The following GSAP variants were observed in gnomAD, a reference collection of about 807,000 sequenced individuals.
The protein encoded by GSAP is gamma-secretase-activating protein.
Under a neutral mutation model 131.7 loss-of-function variants are expected in GSAP, and 118 were observed. The observed-to-expected ratio is 0.90, with a 90% confidence interval of 0.77 to 1.04. The LOEUF (loss-of-function observed/expected upper bound fraction) is 1.04, where lower values mean the gene tolerates loss of function less well. GSAP is among the 50% of genes least tolerant of loss of function. The probability of loss-of-function intolerance (pLI) is 0.00; values close to 1 mark genes in which losing one functional copy is unlikely to be tolerated. For missense variants in GSAP, 1,019 were observed against 1,013.2 expected (o/e 1.01, Z -0.08); for synonymous variants, 381 against 363.4 (o/e 1.05, Z -0.55).
At chr7:77,351,815 T>A (rs1792902285) in intron 18 of GSAP, 1 of 629,114 alleles carries the variant, frequency 1.6e-6, no homozygotes, top group African/African-American at 2.0e-5. Context: ...TCCTGGACAC[T>A]TTGAACACAG....
At chr7:77,387,691 C>T (rs1334084574) in intron 5 of GSAP, among the ~76,000 whole-genome samples, 2 of 152,156 alleles carry the variant, frequency 1.3e-5, no homozygotes, top group Admixed American at 6.5e-5. Context: ...CAGCAAAGGA[C>T]CTGCCTTCCA....
chr7:77,371,431 CTTTTTTT>C (rs71085450), intron 12 of GSAP, among the ~76,000 whole-genome samples: 4 of 142,980 alleles, frequency 2.8e-5, no homozygotes, highest in African/African-American at 7.8e-5. Flanking sequence ...CATCTTTTTT[CTTTTTTT>C]TTTTTTTTTT....
At chr7:77,372,991 C>T (rs75464563) in intron 12 of GSAP, among the ~76,000 whole-genome samples, 1,691 of 151,954 alleles carry the variant, frequency 0.011, 29 homozygotes, top group African/African-American at 0.038. Flanking sequence ...CTGGGATGGA[C>T]AGGAAAAAGA....
chr7:77,330,098 G>T (rs1788874262), intron 20 of GSAP, 141 bp downstream of exon 20: 1 of 991,646 alleles, frequency 1.0e-6, no homozygotes, highest in Non-Finnish European at 1.4e-6. Flanking sequence ...TGCCCATTGA[G>T]ATCAGTAATG....
chr7:77,362,195 T>C (rs1257680222), intron 13 of GSAP, among the ~76,000 whole-genome samples: 1 of 152,174 alleles, frequency 6.6e-6, no homozygotes, highest in African/African-American at 2.4e-5. Flanking sequence ...TCCATGGTAA[T>C]AATACTCTCA....
At position 77,326,195 on chromosome 7, in the gene GSAP, A is replaced by G; in HGVS notation, c.1827+17T>C. 1.9e-6 allele frequency: 3 copies of G among 1,588,288 alleles called. No individual in the cohort carries two copies. The highest frequency in any genetic ancestry group is 2.6e-6 in the Non-Finnish European group (3 of 1,161,676). ...TTCCTTGTTTGCCAGCCCCTAAAGA[A>G]CCCACGTACCACTTACCAGCCCCAT... On this transcript the variant is annotated intron_variant, in intron 23 of 30. Coordinates refer to ENST00000257626, the MANE Select transcript of GSAP (RefSeq NM_017439.4).
chr7:77,363,600 GA>G (rs1563033092), intron 12 of GSAP, among the ~76,000 whole-genome samples: 1 of 152,066 alleles, frequency 6.6e-6, no homozygotes, highest in Non-Finnish European at 1.5e-5. Flanking sequence ...AATCGTGGTA[GA>G]AAAAAAGTCA....
intron 12 of GSAP, among the ~76,000 whole-genome samples, chr7:77,368,860 G>A (rs1322618292): frequency 6.6e-5 from 10 of 152,224 alleles, no homozygotes; most frequent in Admixed American, 1.3e-4. Flanking sequence ...GTTAGCTGGT[G>A]TTATTCCATA....
chr7:77,395,927 A>T (rs1800303435), intron 5 of GSAP, among the ~76,000 whole-genome samples: 1 of 152,228 alleles, frequency 6.6e-6, no homozygotes, highest in African/African-American at 2.4e-5. Context: ...TAGGAGACCC[A>T]CTAGGCCAGA....
chr7:77,344,419 G>A (rs1309302450), intron 19 of GSAP, among the ~76,000 whole-genome samples: 1 of 152,142 alleles, frequency 6.6e-6, no homozygotes, highest in African/African-American at 2.4e-5. Flanking sequence ...ATGCTACAGG[G>A]TACAGCCCAT....
intron 3 of GSAP, 139 bp from the exon 4 acceptor site, chr7:77,397,554 T>C: frequency 3.6e-6 from 2 of 556,354 alleles, no homozygotes; most frequent in Non-Finnish European, 6.5e-6. Flanking sequence ...AGTTTAGCTA[T>C]GCTGACACAT....
chr7:77,387,545 T>G (rs996253615), intron 5 of GSAP, 97 bp from the exon 6 acceptor site: 1 of 703,750 alleles, frequency 1.4e-6, no homozygotes, highest in African/African-American at 1.8e-5. Context: ...TAAATCCTAC[T>G]ACAGTGACTA....
intron 5 of GSAP, among the ~76,000 whole-genome samples, chr7:77,396,067 T>C (rs1210554734): frequency 5.9e-5 from 9 of 152,310 alleles, no homozygotes; most frequent in Non-Finnish European, 1.5e-5. Flanking sequence ...AGACTTCCCT[T>C]GATAAATTGA....
chr7:77,354,136 T>A (rs1179094109), intron 16 of GSAP, among the ~76,000 whole-genome samples: 2 of 152,196 alleles, frequency 1.3e-5, no homozygotes, highest in Admixed American at 1.3e-4. Context: ...CTCATCTCCA[T>A]AATCATCCTC....
intron 3 of GSAP, 45 bp downstream of exon 3, chr7:77,404,514 C>T: frequency 2.1e-6 from 2 of 960,440 alleles, no homozygotes; most frequent in South Asian, 2.7e-5. Context: ...ACAAAGAAAA[C>T]TCTAAAGGCA....
rs6950870 is a variant in GSAP at position 77,320,718 on chromosome 7, C to T, written c.2089+7G>A. 0.16 allele frequency: 249,314 copies of T among 1,523,462 alleles called. 22,576 individuals carry two copies. Among genetic ancestry groups the T allele is most frequent in the South Asian group, 0.27 (23,990 of 89,010 alleles). The allele number at this position is 1,523,462 out of a possible 1,614,324, so 94.4% of individuals were successfully genotyped here. On this transcript the variant is annotated splice_region_variant and intron_variant, in intron 26 of 30. Coordinates refer to ENST00000257626, the MANE Select transcript of GSAP (RefSeq NM_017439.4). Reference sequence around the variant, plus strand: ...TTATACCAAAGGACAAAAGAGCCAACACTTACCAGGAGGCAGAGGTAAAAA... The same window carrying T: ...TTATACCAAAGGACAAAAGAGCCAATACTTACCAGGAGGCAGAGGTAAAAA...
At chr7:77,325,543 G>C (rs555688587) in intron 23 of GSAP, among the ~76,000 whole-genome samples, 17 of 152,240 alleles carry the variant, frequency 1.1e-4, no homozygotes, top group Non-Finnish European at 1.6e-4. Context: ...TTGAGAAAAA[G>C]TACTTTGTTC....
rs552023359 is a variant in GSAP, at chr7:77,380,963, T to C, written c.576+342A>G. Among the ~76,000 whole-genome samples, 8 of 152,336 alleles carry C rather than the reference T, an allele frequency of 5.3e-5. No individual in the cohort carries two copies. The East Asian group carries it at 7.7e-4, about 15-fold the overall frequency. ...AACACAAAAGCAGCAGGTAAATATA[T>C]GTATTATGATTCTACTTTGGTAAAA... On this transcript the variant is annotated intron_variant, in intron 8 of 30. Transcript: ENST00000257626.
intron 19 of GSAP, among the ~76,000 whole-genome samples, chr7:77,340,698 C>T (rs564263693): frequency 3.3e-5 from 5 of 152,310 alleles, no homozygotes; most frequent in South Asian, 2.1e-4. Flanking sequence ...TTAATCGCTG[C>T]GGGGACGCCT....
Sources: allele counts gnomAD v4.1 joint callset (sites outside exome capture counted in the v4.1 genomes callset), GRCh38; gene constraint gnomAD v4.1.1; transcripts MANE v1.5; gene names NCBI Gene and HGNC (gene_info 2026-07-23, HGNC 2026-07-21).